Variants in DEUP1 observed in about 807,000 individuals in gnomAD.
DEUP1 encodes coiled-coil domain containing 67.
A neutral mutation model predicts 87.4 loss-of-function variants in DEUP1; 82 were observed. The ratio of observed to expected loss-of-function variants is 0.94; its 90% confidence interval spans 0.78 to 1.13. The LOEUF (loss-of-function observed/expected upper bound fraction) is 1.13, where lower values mean the gene tolerates loss of function less well. DEUP1 is among the 50% of genes most tolerant of loss of function. DEUP1 has a pLI of 0.00. For missense variants in DEUP1, 663 were observed against 681.5 expected (o/e 0.97, Z 0.30); for synonymous variants, 214 against 222.7 (o/e 0.96, Z 0.35).
intron 13 of DEUP1, among the ~76,000 whole-genome samples, chr11:93,436,013 AT>A (rs1179680084): frequency 0.016 from 2,060 of 130,466 alleles, 21 homozygotes; most frequent in South Asian, 0.091. Flanking sequence ...AAAAAAAAAA[AT>A]TTTTTCTGTG....
chr11:93,364,520 G>A (rs559057339), intron 5 of DEUP1, among the ~76,000 whole-genome samples: 153 of 151,378 alleles, frequency 1.0e-3, no homozygotes, highest in Non-Finnish European at 1.9e-3. Flanking sequence ...TCAGCATTTT[G>A]GGAGATTAAA....
chr11:93,366,625 T>C (rs1945431605), intron 5 of DEUP1, among the ~76,000 whole-genome samples: 1 of 152,196 alleles, frequency 6.6e-6, no homozygotes, highest in Non-Finnish European at 1.5e-5. Context: ...CCAGTACATC[T>C]GAGAAGAATA....
At chr11:93,332,393 C>A in intron 2 of DEUP1, 105 bp downstream of exon 2, 2 of 869,374 alleles carry the variant, frequency 2.3e-6, no homozygotes, top group Non-Finnish European at 1.8e-6. Flanking sequence ...AAGGATATGC[C>A]AATTATTTTT....
At chr11:93,377,740 T>C (rs1157157657) in intron 7 of DEUP1, among the ~76,000 whole-genome samples, 1 of 152,176 alleles carries the variant, frequency 6.6e-6, no homozygotes, top group East Asian at 1.9e-4. Flanking sequence ...GGAGGTTCTA[T>C]ATTGGTGTAT....
At chr11:93,398,675 TC>T (rs779910091) in intron 11 of DEUP1, among the ~76,000 whole-genome samples, 9 of 152,214 alleles carry the variant, frequency 5.9e-5, no homozygotes, top group Non-Finnish European at 1.3e-4. Context: ...ATTAGATATA[TC>T]CTTTGCCCAT....
intron 11 of DEUP1, among the ~76,000 whole-genome samples, chr11:93,403,648 C>A (rs1591232860): frequency 6.6e-6 from 1 of 151,432 alleles, no homozygotes; most frequent in African/African-American, 2.4e-5. Context: ...ATTTATTATT[C>A]TTTTCATACA....
intron 2 of DEUP1, among the ~76,000 whole-genome samples, chr11:93,337,489 G>A (rs761446544): frequency 4.6e-5 from 7 of 152,082 alleles, no homozygotes; most frequent in Non-Finnish European, 1.0e-4. Context: ...AGCCCAGACT[G>A]TACCCCCTTA....
In DEUP1 at chr11:93,335,968, C is replaced by T. The variant is rs1445371189; in HGVS notation, c.29+3680C>T. On this transcript the variant is annotated intron_variant, in intron 2 of 13. Coordinates refer to ENST00000298050, the MANE Select transcript of DEUP1 (RefSeq NM_181645.4). The stretch of plus-strand genomic sequence containing the variant: ...CGTCTCTACTAAAAATAAAAATTAG[C>T]CTGGTGTGGTGGTGCATGCCTGTAA... Among the ~76,000 whole-genome samples, 4 of 152,144 alleles carry T rather than the reference C, an allele frequency of 2.6e-5. No homozygotes were observed. The East Asian group carries it at 7.7e-4, about 29-fold the overall frequency.
intron 13 of DEUP1, among the ~76,000 whole-genome samples, chr11:93,418,778 A>T (rs976486588): frequency 6.6e-6 from 1 of 152,066 alleles, no homozygotes; most frequent in African/African-American, 2.4e-5. Flanking sequence ...ACTTGGAACC[A>T]ACCCAAATGT....
chr11:93,352,172 T>C, intron 2 of DEUP1: 1 of 524,808 alleles, frequency 1.9e-6, no homozygotes, highest in Non-Finnish European at 3.4e-6. Context: ...GGAAATGCTG[T>C]CATGTGGCAC....
chr11:93,345,490 T>C (rs1037583495), intron 2 of DEUP1, among the ~76,000 whole-genome samples: 2 of 152,202 alleles, frequency 1.3e-5, no homozygotes, highest in Non-Finnish European at 2.9e-5. Flanking sequence ...GTATAAAATG[T>C]TTCTTTTTCT....
chr11:93,388,638 C>T (rs1946666124), intron 8 of DEUP1, among the ~76,000 whole-genome samples: 1 of 152,142 alleles, frequency 6.6e-6, no homozygotes, highest in South Asian at 2.1e-4. Flanking sequence ...TGACATAGTT[C>T]CTTTCCACAA....
intron 7 of DEUP1, among the ~76,000 whole-genome samples, chr11:93,376,855 C>T (rs541072324): frequency 1.2e-3 from 182 of 152,168 alleles, no homozygotes; most frequent in African/African-American, 4.0e-3. Context: ...TTTTAATTTC[C>T]ATCTTGATTT....
chr11:93,387,716 A>T (rs144893398), intron 8 of DEUP1, among the ~76,000 whole-genome samples: 1,902 of 152,220 alleles, frequency 0.012, 28 homozygotes, highest in Middle Eastern at 0.054. Flanking sequence ...AGGAAGAATT[A>T]AAAAATATGG....
intron 9 of DEUP1, among the ~76,000 whole-genome samples, chr11:93,392,355 G>T (rs1014361971): frequency 6.6e-6 from 1 of 152,188 alleles, no homozygotes; most frequent in African/African-American, 2.4e-5. Flanking sequence ...CCTTTCACAA[G>T]AAATGTGATG....
At chr11:93,427,012 G>GAAAAAAAAAAAAAAAAAAAAAAAA (rs1215051153) in intron 13 of DEUP1, among the ~76,000 whole-genome samples, 15 of 11,842 alleles carry the variant, frequency 1.3e-3, no homozygotes, top group Non-Finnish European at 1.6e-3. Context: ...AAAAAAAAAA[G>GAAAAAAAAAAAAAAAAAAAAAAAA]AAAAAAAAAA....
chr11:93,427,012 GA>G lies in DEUP1; in HGVS notation c.1639-10512del, dbSNP rs1215051153. On this transcript the variant is annotated intron_variant, in intron 13 of 13. Transcript: ENST00000298050. ...AGTATAATAAAAAAAAAAAAAAAAA[GA>G]AAAAAAAAAAAAAAAAAAGAAAATG... Among the ~76,000 whole-genome samples the G allele has an allele frequency of 5.6e-3, 66 of 11,846 alleles. 3 individuals are homozygous for G. The highest frequency in any genetic ancestry group is 7.3e-3 in the Non-Finnish European group (54 of 7,420). The allele number at this position is 11,846 out of a possible 152,430, so 7.8% of individuals were successfully genotyped here.
chr11:93,386,218 G>T (rs190022861), intron 8 of DEUP1, among the ~76,000 whole-genome samples: 1 of 151,852 alleles, frequency 6.6e-6, no homozygotes, highest in Non-Finnish European at 1.5e-5. Context: ...CACCAAACTC[G>T]CCATCTTGTC....
intron 11 of DEUP1, among the ~76,000 whole-genome samples, chr11:93,406,658 A>G (rs1416907394): frequency 6.6e-6 from 1 of 151,898 alleles, no homozygotes; most frequent in Non-Finnish European, 1.5e-5. Context: ...AATATATCAC[A>G]CACTAAAATT....
Sources: gnomAD v4.1 joint callset for allele counts (sites outside exome capture counted in the v4.1 genomes callset) on GRCh38, gnomAD v4.1.1 for gene constraint, MANE v1.5 for transcripts, NCBI Gene and HGNC (gene_info 2026-07-23, HGNC 2026-07-21) for gene names.